The following VKORC1 variants were observed in gnomAD, a reference collection of about 807,000 sequenced individuals.
VKORC1 encodes phylloquinone epoxide reductase.
A neutral mutation model predicts 14.8 loss-of-function variants in VKORC1; 12 were observed. That is an observed-to-expected ratio of 0.81 (90% CI 0.52 to 1.31). The LOEUF (loss-of-function observed/expected upper bound fraction) is 1.31. Among genes scored for constraint, VKORC1 ranks in the 50% most tolerant of loss-of-function variants. The pLI is 0.00. For missense variants in VKORC1, 223 were observed against 215.3 expected, an observed-to-expected ratio of 1.04 and a Z score of -0.22; for synonymous variants, 94 against 92.5, an observed-to-expected ratio of 1.02 and a Z score of -0.09.
intron 1 of VKORC1, chr16:31,094,161 C>A: frequency 1.3e-6 from 2 of 1,559,622 alleles, no homozygotes; most frequent in Non-Finnish European, 1.7e-6. Flanking sequence ...ATTATGCTAA[C>A]GCCTGGCCAT....
At position 31,093,574 on chromosome 16, in the gene VKORC1, C is replaced by T. The variant is rs1567421693; in HGVS notation, c.174-153G>A. On this transcript the variant is annotated intron_variant, in intron 1 of 2. Coordinates refer to ENST00000394975, the MANE Select transcript of VKORC1 (RefSeq NM_024006.6). Reference sequence around the variant, plus strand: ...AGTCCAAGGGTCGATGATCTCCTGGCACCGGGCACCTTTGGCCACGTCAGG... The same window carrying T: ...AGTCCAAGGGTCGATGATCTCCTGGTACCGGGCACCTTTGGCCACGTCAGG... 5 of 1,525,440 alleles carry T rather than the reference C, an allele frequency of 3.3e-6. 1 individual carries two copies. The South Asian group carries it at 6.3e-5, about 19-fold the overall frequency. The allele number at this position is 1,525,440 out of a possible 1,614,324, so 94.5% of individuals were successfully genotyped here.
Position 31,094,532 on chromosome 16 carries a change from C to T in VKORC1, c.173+25G>A, listed in dbSNP as rs750844089. On this transcript the variant is annotated intron_variant, in intron 1 of 2. Transcript: ENST00000394975. ...ATCCTGGCCGCCCTGCTCCGAGGCCCCACGCCTCCCACTCCCGTGCACACC... is the reference window on the plus strand; with the variant it reads ...ATCCTGGCCGCCCTGCTCCGAGGCCTCACGCCTCCCACTCCCGTGCACACC... 3 of 1,612,440 alleles carry T rather than the reference C, an allele frequency of 1.9e-6. No homozygotes were observed. The Admixed American group carries it at 5.0e-5, about 27-fold the overall frequency.
Position 31,091,134 on chromosome 16 carries a change from T to G in VKORC1, c.492A>C (p.Ter164CysextTer31). 6.2e-7 allele frequency: 1 copy of G among 1,613,328 alleles called. No individual in the cohort carries two copies. Among genetic ancestry groups the G allele is most frequent in the Non-Finnish European group, 8.5e-7 (1 of 1,179,998 alleles). The part of the protein sequence containing the change: ...QEPQGKAKRH[*>C] Reference sequence around the variant, plus strand: ...GGTCAGCCTGGCTTGGGTTGAGGGCTCAGTGCCTCTTAGCCTTGCCCTGGG... The same window carrying G: ...GGTCAGCCTGGCTTGGGTTGAGGGCGCAGTGCCTCTTAGCCTTGCCCTGGG... The change falls in exon 3 of 3, where the codon TGA becomes TGC. Residue 164 changes from the stop codon to cysteine, a stop_lost. Transcript: ENST00000394975.
In VKORC1 at chr16:31,093,480, A is replaced by G. The variant is rs745410819; in HGVS notation, c.174-59T>C. On this transcript the variant is annotated intron_variant, in intron 1 of 2. Transcript: ENST00000394975. ...TAGGACTGTCAACCCAGTGCCTTGG[A>G]CCCTGCCCGAGAAAGGTGATTTCCA... 8.7e-6 allele frequency: 14 copies of G among 1,612,234 alleles called. No homozygotes were observed. The African/African-American group carries it at 1.5e-4, about 17-fold the overall frequency.
In VKORC1 at chr16:31,094,565, G is replaced by A. The variant is rs1392107723; in HGVS notation, c.165C>T (p.Phe55=). 6.2e-7 allele frequency: 1 copy of A among 1,611,878 alleles called. No homozygotes were observed. Among genetic ancestry groups the A allele is most frequent in the Non-Finnish European group, 8.5e-7 (1 of 1,179,556 alleles). ...CCCACTCCCGTGCACACCTGGAGGA[G>A]AAGACGCGCGAACAGCTGATGGCGG... is the stretch of plus-strand genomic sequence containing the variant. The part of the protein sequence containing the change: ...VGTAISCSRV[F]SSRWGRGFGL... The change falls in exon 1 of 3, where the codon TTC becomes TTT. Residue 55 remains phenylalanine (F), a synonymous_variant. Coordinates refer to ENST00000394975, the MANE Select transcript of VKORC1 (RefSeq NM_024006.6).
At position 31,090,903 on chromosome 16, in the gene VKORC1, TG is replaced by T; in HGVS notation, c.*230del. 1 of 632,918 alleles carries T rather than the reference TG, an allele frequency of 1.6e-6. No homozygotes were observed. The highest frequency in any genetic ancestry group is 2.7e-6 in the Non-Finnish European group (1 of 375,140). 39.2% of individuals were successfully genotyped at this position (632,918 alleles called of 1,614,324 possible). ...CTCAGAACCTTCCCTCCCTGGGCAA[TG>T]GAAAGAGCTTTGGAGACCAGCCCAT... is the stretch of plus-strand genomic sequence containing the variant. On this transcript the variant is annotated 3_prime_UTR_variant, in exon 3 of 3. Transcript: ENST00000394975.
At chr16:31,094,287 C>G (rs2143911069) in intron 1 of VKORC1, 1 of 1,612,958 alleles carries the variant, frequency 6.2e-7, no homozygotes, top group East Asian at 2.2e-5. Context: ...CCTGCCTCCC[C>G]GCCTTTCCTG....
Position 31,093,378 on chromosome 16 carries a change from C to A in VKORC1, c.217G>T (p.Asp73Tyr). ...CTGTTGGATTGATTGAGGATGCTGTCCTGTCCCAGCACATGCTCCACCAGC... is the reference window on the plus strand; with the variant it reads ...CTGTTGGATTGATTGAGGATGCTGTACTGTCCCAGCACATGCTCCACCAGC... Reference protein sequence around the residue: ...FGLVEHVLGQDSILNQSNSIF... With the variant: ...FGLVEHVLGQYSILNQSNSIF... Residue 73 changes from aspartate to tyrosine, a missense_variant, in exon 2 of 3, where the codon GAC (aspartate) becomes TAC (tyrosine). By Grantham distance (160) the Asp-to-Tyr change is radical. Coordinates refer to ENST00000394975, the MANE Select transcript of VKORC1 (RefSeq NM_024006.6). The A allele has an allele frequency of 6.2e-7, 1 of 1,614,172 alleles. No individual in the cohort carries two copies. Among genetic ancestry groups the A allele is most frequent in the Non-Finnish European group, 8.5e-7 (1 of 1,180,022 alleles).
intron 2 of VKORC1, 25 bp downstream of exon 2, chr16:31,093,287 G>C: frequency 7.5e-7 from 1 of 1,337,098 alleles, no homozygotes; most frequent in South Asian, 1.2e-5. Context: ...GGCGGGGCGG[G>C]CAGGGAGGGG....
intron 1 of VKORC1, chr16:31,093,864 G>A (rs890141002): frequency 1.8e-4 from 51 of 288,082 alleles, no homozygotes; most frequent in Non-Finnish European, 2.7e-4. Context: ...CCGCCATAGC[G>A]CCCGATTAAT....
At chr16:31,091,394 G>T in intron 2 of VKORC1, 52 bp from the exon 3 acceptor site, 1 of 1,579,128 alleles carries the variant, frequency 6.3e-7, no homozygotes, top group East Asian at 2.3e-5. Context: ...GCCACCTCCC[G>T]AACACTCCAT....
rs887072982 is a variant in VKORC1, at chr16:31,094,630, C to G, written c.100G>C (p.Ala34Pro). ...AGCGCGCGGTAATCCCGGTCCCGGGCGCGCGCCGCCTTCACGTGCAGCGCG... is the reference window on the plus strand; with the variant it reads ...AGCGCGCGGTAATCCCGGTCCCGGGGGCGCGCCGCCTTCACGTGCAGCGCG... The part of the protein sequence containing the change: ...LYALHVKAAR[A>P]RDRDYRALCD... Residue 34 changes from alanine to proline, a missense_variant, in exon 1 of 3, where the codon GCC becomes CCC. Coordinates refer to ENST00000394975, the MANE Select transcript of VKORC1 (RefSeq NM_024006.6). 10 of 1,606,088 alleles carry G rather than the reference C, an allele frequency of 6.2e-6. No homozygotes were observed. The African/African-American group carries it at 6.7e-5, about 11-fold the overall frequency.
intron 1 of VKORC1, chr16:31,093,669 T>A: frequency 1.6e-6 from 1 of 616,854 alleles, no homozygotes; most frequent in Non-Finnish European, 2.6e-6. Flanking sequence ...CCGTAGGCCC[T>A]GCTTTTCATC....
chr16:31,093,279 CG>C (rs1190398546), intron 2 of VKORC1, 32 bp downstream of exon 2: 1 of 987,318 alleles, frequency 1.0e-6, no homozygotes, highest in South Asian at 2.4e-5. Flanking sequence ...AGGGGCGGGG[CG>C]GGGCGGGCAG....
intron 2 of VKORC1, chr16:31,092,929 C>T (rs1363576563): frequency 2.1e-6 from 1 of 469,756 alleles, no homozygotes; most frequent in Non-Finnish European, 3.6e-6. Context: ...GTGATTCCAG[C>T]TGCTTGGGAG....
intron 1 of VKORC1, 199 bp downstream of exon 1, chr16:31,094,358 A>C: frequency 1.9e-6 from 3 of 1,612,866 alleles, no homozygotes; most frequent in Non-Finnish European, 2.5e-6. Context: ...CCCAGTCCCC[A>C]GCACTGTCTG....
chr16:31,092,060 C>T (rs2057293438), intron 2 of VKORC1, among the ~76,000 whole-genome samples: 1 of 151,592 alleles, frequency 6.6e-6, no homozygotes, highest in Non-Finnish European at 1.5e-5. Flanking sequence ...CGCCTGTAGT[C>T]CCAGCTACTC....
intron 2 of VKORC1, among the ~76,000 whole-genome samples, chr16:31,092,124 G>A (rs2057293770): frequency 7.5e-6 from 1 of 133,170 alleles, no homozygotes; most frequent in South Asian, 2.6e-4. Flanking sequence ...GTTGCAGTGA[G>A]CCAAGATCGT....
Position 31,094,635 on chromosome 16 carries a change from G to C in VKORC1, c.95C>G (p.Ala32Gly). The change falls in exon 1 of 3, where the codon GCG (alanine) becomes GGG (glycine). Residue 32 changes from alanine (A) to glycine (G), a missense_variant. Physicochemically the swap from Ala to Gly is moderately conservative, Grantham distance 60. Coordinates refer to ENST00000394975, the MANE Select transcript of VKORC1 (RefSeq NM_024006.6). Reference protein sequence around the residue: ...LSLYALHVKAARARDRDYRAL... With the variant: ...LSLYALHVKAGRARDRDYRAL... The stretch of plus-strand genomic sequence containing the variant: ...GCGGTAATCCCGGTCCCGGGCGCGC[G>C]CCGCCTTCACGTGCAGCGCGTAGAG... The C allele has an allele frequency of 1.2e-6, 2 of 1,606,038 alleles. No individual in the cohort carries two copies. Among genetic ancestry groups the C allele is most frequent in the South Asian group, 1.1e-5 (1 of 90,486 alleles).
Sources: gnomAD v4.1 joint callset for allele counts (sites outside exome capture counted in the v4.1 genomes callset) on GRCh38, gnomAD v4.1.1 for gene constraint, MANE v1.5 for transcripts, NCBI Gene and HGNC (gene_info 2026-07-23, HGNC 2026-07-21) for gene names.